CNTN3: variants seen among roughly 807,000 people sequenced by gnomAD.
The protein encoded by CNTN3 is contactin 3.
CNTN3 carries 60 observed loss-of-function variants against 119.1 expected under a neutral mutation model. The observed-to-expected ratio is 0.50, with a 90% confidence interval of 0.41 to 0.62. The LOEUF is 0.62. Ranked by LOEUF, CNTN3 falls within the 20% of genes least tolerant of loss-of-function variation. The pLI is 0.00. For missense variants in CNTN3, 1,101 were observed against 1,242.4 expected (o/e 0.89, Z 1.71); for synonymous variants, 450 against 438.7 (o/e 1.03, Z -0.32).
Position 74,297,938 on chromosome 3 carries a change from A to C in CNTN3, c.2401+19T>G. ...AATTATTATTAGGCGGAACTGATATACAGTCATGTTTTCCATACCTTCTTC... is the reference window on the plus strand; with the variant it reads ...AATTATTATTAGGCGGAACTGATATCCAGTCATGTTTTCCATACCTTCTTC... On this transcript the variant is annotated intron_variant, in intron 18 of 22. Coordinates refer to ENST00000263665, the MANE Select transcript of CNTN3 (RefSeq NM_020872.3). The C allele has an allele frequency of 6.4e-7, 1 of 1,571,812 alleles. No homozygotes were observed. The highest frequency in any genetic ancestry group is 1.3e-5 in the African/African-American group (1 of 74,140).
At chr3:74,440,182 C>G (rs1341308131) in intron 4 of CNTN3, among the ~76,000 whole-genome samples, 1 of 152,116 alleles carries the variant, frequency 6.6e-6, no homozygotes, top group African/African-American at 2.4e-5. Flanking sequence ...CCATCTCCCC[C>G]ACTAACTAGA....
intron 1 of CNTN3, among the ~76,000 whole-genome samples, chr3:74,567,727 T>C (rs765219567): frequency 2.0e-4 from 30 of 152,242 alleles, no homozygotes; most frequent in Non-Finnish European, 4.0e-4. Flanking sequence ...GTTTTCAAGA[T>C]GCTCAGAATA....
At chr3:74,537,685 CAAATG>C (rs1441992103) in intron 1 of CNTN3, among the ~76,000 whole-genome samples, 4 of 152,078 alleles carry the variant, frequency 2.6e-5, no homozygotes, top group Non-Finnish European at 4.4e-5. Context: ...TGTTGTTCCC[CAAATG>C]AGCTGTTTTC....
At chr3:74,531,050 C>T (rs564882026) in intron 1 of CNTN3, among the ~76,000 whole-genome samples, 4 of 151,956 alleles carry the variant, frequency 2.6e-5, no homozygotes, top group South Asian at 2.1e-4. Flanking sequence ...TTGGAATTAC[C>T]GAGTTAGGAG....
rs141469471 is a variant in CNTN3 at position 74,329,062 on chromosome 3, T to C, written c.1668+5673A>G. On this transcript the variant is annotated intron_variant, in intron 13 of 22. Coordinates refer to ENST00000263665, the MANE Select transcript of CNTN3 (RefSeq NM_020872.3). ...AATTGTTTACATAGTTATAAAGAGC[T>C]GCTGTTTTCAAAATTTTAGTCTTCA... 3.5e-3 allele frequency among the ~76,000 whole-genome samples: 534 copies of C among 152,314 alleles called. 2 individuals carry two copies. Among genetic ancestry groups the C allele is most frequent in the African/African-American group, 0.013 (524 of 41,576 alleles).
chr3:74,470,033 C>T (rs1000805942), intron 4 of CNTN3, among the ~76,000 whole-genome samples: 5 of 152,018 alleles, frequency 3.3e-5, no homozygotes, highest in African/African-American at 9.7e-5. Context: ...TAAACAGGAA[C>T]GAAGTACTGA....
chr3:74,520,275 T>C (rs1369188263), intron 2 of CNTN3, among the ~76,000 whole-genome samples: 1 of 151,268 alleles, frequency 6.6e-6, no homozygotes, highest in Admixed American at 6.6e-5. Context: ...CACACATATA[T>C]ACAGAAGAAA....
chr3:74,446,277 T>C (rs148252202), intron 4 of CNTN3, among the ~76,000 whole-genome samples: 1 of 152,334 alleles, frequency 6.6e-6, no homozygotes, highest in Non-Finnish European at 1.5e-5. Context: ...AATTTTATTA[T>C]GCACTGGACA....
chr3:74,546,645 T>C (rs935016744), intron 1 of CNTN3, among the ~76,000 whole-genome samples: 1 of 152,176 alleles, frequency 6.6e-6, no homozygotes, highest in African/African-American at 2.4e-5. Flanking sequence ...TACCAGTGGT[T>C]TGCCAGGAGC....
chr3:74,568,480 C>A (rs1343632236), intron 1 of CNTN3, among the ~76,000 whole-genome samples: 1 of 152,190 alleles, frequency 6.6e-6, no homozygotes, highest in East Asian at 1.9e-4. Flanking sequence ...TTCTCTCTCC[C>A]TGGCTCCAAG....
At chr3:74,368,739 T>C (rs1704261526) in intron 8 of CNTN3, among the ~76,000 whole-genome samples, 1 of 150,956 alleles carries the variant, frequency 6.6e-6, no homozygotes, top group Non-Finnish European at 1.5e-5. Flanking sequence ...ACTGAAGAAC[T>C]CAACAAGAGC....
Position 74,297,974 on chromosome 3 carries a change from A to T in CNTN3, c.2384T>A (p.Val795Glu). ...GEGPFSPVTT[V>E]FSAEEEPTVA... Reference sequence around the variant, plus strand: ...TTCCATACCTTCTTCTGCAGAGAACACTGTTGTCACTGGGCTAAATGGTCC... The same window carrying T: ...TTCCATACCTTCTTCTGCAGAGAACTCTGTTGTCACTGGGCTAAATGGTCC... The change falls in exon 18 of 23, where the codon GTG (valine) becomes GAG (glutamate). Residue 795 changes from valine (V) to glutamate (E), a missense_variant. Transcript: ENST00000263665. 6.2e-7 allele frequency: 1 copy of T among 1,613,098 alleles called. No individual in the cohort carries two copies.
At chr3:74,466,508 T>G (rs1041881618) in intron 4 of CNTN3, among the ~76,000 whole-genome samples, 1 of 152,144 alleles carries the variant, frequency 6.6e-6, no homozygotes, top group African/African-American at 2.4e-5. Flanking sequence ...TGTTTTGGTG[T>G]TAGAAAAAAA....
At chr3:74,356,322 C>G (rs139468230) in intron 11 of CNTN3, among the ~76,000 whole-genome samples, 1 of 152,068 alleles carries the variant, frequency 6.6e-6, no homozygotes, top group Admixed American at 6.5e-5. Context: ...GTACCCAAAC[C>G]ATGACTGGCC....
chr3:74,343,309 T>G (rs1340973353), intron 11 of CNTN3, among the ~76,000 whole-genome samples: 1 of 152,184 alleles, frequency 6.6e-6, no homozygotes, highest in Non-Finnish European at 1.5e-5. Flanking sequence ...ACTCTCTATG[T>G]GCAGCAAACA....
At chr3:74,367,379 C>A (rs542167567) in intron 8 of CNTN3, among the ~76,000 whole-genome samples, 1 of 152,140 alleles carries the variant, frequency 6.6e-6, no homozygotes, top group East Asian at 1.9e-4. Flanking sequence ...TAAAATAACA[C>A]CAATTTTTAA....
chr3:74,522,736 T>G (rs566431730), intron 1 of CNTN3, among the ~76,000 whole-genome samples: 1 of 151,590 alleles, frequency 6.6e-6, no homozygotes, highest in South Asian at 2.1e-4. Context: ...TGCCCAGTAC[T>G]TGTAACCTCC....
Position 74,361,951 on chromosome 3 carries a change from C to A in CNTN3, c.1303G>T (p.Ala435Ser). Residue 435 changes from alanine to serine, a missense_variant, in exon 11 of 23, where the codon GCC (alanine) becomes TCC (serine). Coordinates refer to ENST00000263665, the MANE Select transcript of CNTN3 (RefSeq NM_020872.3). ...SLVSLDCKPR[A>S]SPRALSSWKK... is the part of the protein sequence containing the mutation. ...CAGGAAGAGAGTGCCCTTGGGGAGG[C>A]TCTGGGTTTACAATCCAAGCTGACC... The A allele has an allele frequency of 1.9e-6, 3 of 1,613,838 alleles. No homozygotes were observed. Among genetic ancestry groups the A allele is most frequent in the Non-Finnish European group, 2.5e-6 (3 of 1,179,816 alleles).
chr3:74,285,821 A>T (rs1274021579), intron 19 of CNTN3, among the ~76,000 whole-genome samples: 1 of 131,312 alleles, frequency 7.6e-6, no homozygotes, highest in Admixed American at 7.6e-5. Flanking sequence ...ATATATATAT[A>T]TATATATATA....
Sources: gnomAD v4.1 joint callset for allele counts (sites outside exome capture counted in the v4.1 genomes callset) on GRCh38, gnomAD v4.1.1 for gene constraint, MANE v1.5 for transcripts, NCBI Gene and HGNC (gene_info 2026-07-23, HGNC 2026-07-21) for gene names.